The following VIPAS39 variants were observed in gnomAD, a reference collection of about 807,000 sequenced individuals.
VIPAS39 encodes the protein spermatogenesis-defective protein 39 homolog.
In VIPAS39, 63 loss-of-function variants were observed where a neutral mutation model predicts 84.7. That is an observed-to-expected ratio of 0.74 (90% CI 0.61 to 0.92). VIPAS39 has a LOEUF of 0.92. VIPAS39 is among the 40% of genes least tolerant of loss of function. VIPAS39 has a pLI of 0.00. For missense variants in VIPAS39, 499 were observed against 604.5 expected, an observed-to-expected ratio of 0.83 and a Z score of 1.83; for synonymous variants, 192 against 216.5, an observed-to-expected ratio of 0.89 and a Z score of 0.99.
At chr14:77,429,355 G>A (rs958139187) in intron 17 of VIPAS39, among the ~76,000 whole-genome samples, 1 of 152,196 alleles carries the variant, frequency 6.6e-6, no homozygotes, top group South Asian at 2.1e-4. Flanking sequence ...GAGTGCTCTA[G>A]CTGTGATCCA....
At chr14:77,428,929 G>C (rs2078475641) in intron 18 of VIPAS39, 77 bp downstream of exon 18, 1 of 1,353,568 alleles carries the variant, frequency 7.4e-7, no homozygotes. Flanking sequence ...CAGGATCTTG[G>C]ACAGAGAATA....
Position 77,453,997 on chromosome 14 carries a change from G to T in VIPAS39, c.93+13C>A. Reference sequence around the variant, plus strand: ...ACTGTGGAGAAGAGTACAAACTTCAGCAGTTGACCTACCTGTGAAAGCTCA... The same window carrying T: ...ACTGTGGAGAAGAGTACAAACTTCATCAGTTGACCTACCTGTGAAAGCTCA... On this transcript the variant is annotated intron_variant, in intron 2 of 19. Transcript: ENST00000557658. 1 of 1,613,786 alleles carries T rather than the reference G, an allele frequency of 6.2e-7. No homozygotes were observed. The highest frequency in any genetic ancestry group is 1.7e-5 in the Admixed American group (1 of 60,020).
Position 77,454,662 on chromosome 14 carries a change from G to A in VIPAS39, c.1-560C>T, listed in dbSNP as rs1050511426. On this transcript the variant is annotated intron_variant, in intron 1 of 19. Transcript: ENST00000557658. ...GCACTCCAGCCTGGGCAACAAGAGCGAAACTCCGTCTCCAAAAAAAAAAAA... is the reference window on the plus strand; with the variant it reads ...GCACTCCAGCCTGGGCAACAAGAGCAAAACTCCGTCTCCAAAAAAAAAAAA... Among the ~76,000 whole-genome samples, 3 of 105,448 alleles carry A rather than the reference G, an allele frequency of 2.8e-5. No homozygotes were observed. In the Admixed American group the frequency reaches 3.9e-4, roughly 14 times the overall value. 69.2% of individuals were successfully genotyped at this position (105,448 alleles called of 152,430 possible).
intron 11 of VIPAS39, chr14:77,440,277 G>A (rs970416129): frequency 6.6e-6 from 1 of 150,380 alleles, no homozygotes; most frequent in Non-Finnish European, 1.5e-5. Flanking sequence ...TAAAATTTCA[G>A]ATTTATTCTT....
chr14:77,433,516 G>A lies in VIPAS39; in HGVS notation c.1179+326C>T, dbSNP rs143836589. Among the ~76,000 whole-genome samples, 745 of 152,214 alleles carry A rather than the reference G, an allele frequency of 4.9e-3. 7 individuals are homozygous for A. Among genetic ancestry groups the A allele is most frequent in the African/African-American group, 0.017 (703 of 41,542 alleles). The stretch of plus-strand genomic sequence containing the variant: ...GCGCCCAGCCCAATATTGTGCTTAC[G>A]TAGTATTAAAGGAGAGGTGTTAAGA... On this transcript the variant is annotated intron_variant, in intron 16 of 19. Coordinates refer to ENST00000557658, the MANE Select transcript of VIPAS39 (RefSeq NM_001193315.2).
Position 77,437,825 on chromosome 14 carries a change from A to T in VIPAS39, c.819T>A (p.Phe273Leu). ...NIQDPDKRKEFLKTCVGLPFS... is the reference protein window; with the variant it reads ...NIQDPDKRKELLKTCVGLPFS... Reference sequence around the variant, plus strand: ...ATACTTACCCAACACAGGTTTTAAGAAATTCTTTTCGTTTGTCAGGGTCCT... The same window carrying T: ...ATACTTACCCAACACAGGTTTTAAGTAATTCTTTTCGTTTGTCAGGGTCCT... Residue 273 changes from phenylalanine to leucine, a missense_variant, in exon 12 of 20, where the codon TTT (phenylalanine) becomes TTA (leucine). Physicochemically the swap from Phe to Leu is conservative, Grantham distance 22. Transcript: ENST00000557658. The T allele has an allele frequency of 6.2e-7, 1 of 1,614,166 alleles. No homozygotes were observed. Among genetic ancestry groups the T allele is most frequent in the South Asian group, 1.1e-5 (1 of 91,074 alleles).
chr14:77,428,340 C>T (rs1451075739), intron 19 of VIPAS39, 30 bp downstream of exon 19: 2 of 1,594,382 alleles, frequency 1.3e-6, no homozygotes, highest in South Asian at 1.1e-5. Flanking sequence ...TCTCCTGAGC[C>T]TGCTGGAGGG....
At chr14:77,442,476 G>A in intron 10 of VIPAS39, 84 bp downstream of exon 10, 3 of 1,151,798 alleles carry the variant, frequency 2.6e-6, no homozygotes, top group Non-Finnish European at 3.9e-6. Flanking sequence ...AAGGGCAGTT[G>A]GCGTCTTCTA....
chr14:77,455,284 T>A (rs1204193255), intron 1 of VIPAS39, among the ~76,000 whole-genome samples: 2 of 151,932 alleles, frequency 1.3e-5, no homozygotes, highest in African/African-American at 4.8e-5. Context: ...AGTTCAAGAC[T>A]AGCCTGGGCA....
intron 4 of VIPAS39, 28 bp downstream of exon 4, chr14:77,451,158 TC>T: frequency 6.2e-7 from 1 of 1,614,198 alleles, no homozygotes; most frequent in Non-Finnish European, 8.5e-7. Flanking sequence ...GAGAAGGACT[TC>T]CCTATCCATT....
At chr14:77,444,646 C>T (rs1032299086) in intron 7 of VIPAS39, among the ~76,000 whole-genome samples, 1 of 152,046 alleles carries the variant, frequency 6.6e-6, no homozygotes, top group African/African-American at 2.4e-5. Flanking sequence ...AATCTCGGCT[C>T]ACTGCAAGCT....
In VIPAS39 at chr14:77,449,325, G is replaced by A. The variant is rs763569201; in HGVS notation, c.415C>T (p.Pro139Ser). 1.2e-6 allele frequency: 2 copies of A among 1,614,182 alleles called. No homozygotes were observed. Among genetic ancestry groups the A allele is most frequent in the East Asian group, 2.2e-5 (1 of 44,886 alleles). The change falls in exon 6 of 20, where the codon CCA becomes TCA. Residue 139 changes from proline to serine, a missense_variant. Coordinates refer to ENST00000557658, the MANE Select transcript of VIPAS39 (RefSeq NM_001193315.2). ...TCCCCTTTGGGTCTCCCCAGCTCTG[G>A]AGCATAGCTTTTGGCAGGTGTGTCT... ...LSDTPAKSYAPELGRPKGEYR... is the reference protein window; with the variant it reads ...LSDTPAKSYASELGRPKGEYR...
intron 10 of VIPAS39, 159 bp from the exon 11 acceptor site, chr14:77,441,252 C>T (rs2078699052): frequency 3.9e-6 from 3 of 771,910 alleles, no homozygotes; most frequent in African/African-American, 1.7e-5. Flanking sequence ...TTCCCCTGGT[C>T]TCTCTGGCTG....
chr14:77,435,914 G>C lies in VIPAS39; in HGVS notation c.842C>G (p.Pro281Arg), dbSNP rs151206967. 914 of 1,614,102 alleles carry C rather than the reference G, an allele frequency of 5.7e-4. 1 individual carries two copies. The highest frequency in any genetic ancestry group is 7.4e-4 in the Non-Finnish European group (875 of 1,179,992). The change falls in exon 13 of 20, where the codon CCA becomes CGA. Residue 281 changes from proline (P) to arginine (R), a missense_variant. Coordinates refer to ENST00000557658, the MANE Select transcript of VIPAS39 (RefSeq NM_001193315.2). Reference protein sequence around the residue: ...KEFLKTCVGLPFSAEDSAHIQ... With the variant: ...KEFLKTCVGLRFSAEDSAHIQ... The stretch of plus-strand genomic sequence containing the variant: ...GTGTGCGGAATCTTCTGCTGAAAAT[G>C]GCAAACTGGTAGAGTGCCAGAAGGT...
Position 77,443,443 on chromosome 14 carries a change from G to A in VIPAS39, c.598-291C>T, listed in dbSNP as rs145284273. On this transcript the variant is annotated intron_variant, in intron 8 of 19. Coordinates refer to ENST00000557658, the MANE Select transcript of VIPAS39 (RefSeq NM_001193315.2). ...CATAGTAGCCAACCTTGTGTGTCTT[G>A]GTTACAATCAACGGTTTCACATAGG... Among the ~76,000 whole-genome samples the A allele has an allele frequency of 7.0e-3, 1,060 of 152,178 alleles. 19 individuals are homozygous for A. The highest frequency in any genetic ancestry group is 0.037 in the South Asian group (179 of 4,810).
At chr14:77,443,074 G>T (rs756225326) in intron 9 of VIPAS39, 45 bp downstream of exon 9, 2 of 1,612,308 alleles carry the variant, frequency 1.2e-6, no homozygotes, top group Non-Finnish European at 1.7e-6. Flanking sequence ...CCTCGAATGT[G>T]GCAGACACCT....
intron 1 of VIPAS39, among the ~76,000 whole-genome samples, chr14:77,454,870 CAAAT>C (rs1277657018): frequency 1.3e-5 from 2 of 152,168 alleles, no homozygotes; most frequent in African/African-American, 4.8e-5. Flanking sequence ...ACATTTTCAA[CAAAT>C]ACTTATTGAG....
rs931140180 is a variant in VIPAS39 at position 77,434,432 on chromosome 14, A to T, written c.1048-129T>A. The T allele has an allele frequency of 5.6e-6, 5 of 889,868 alleles. No individual in the cohort carries two copies. In the African/African-American group the frequency reaches 8.2e-5, roughly 15 times the overall value. 55.1% of individuals were successfully genotyped at this position (889,868 alleles called of 1,614,324 possible). ...TGCTGCCATTTAAACATAGAAATTA[A>T]TTTCAGGGAAAAGCTCCATTGGGAA... On this transcript the variant is annotated intron_variant, in intron 14 of 19. Coordinates refer to ENST00000557658, the MANE Select transcript of VIPAS39 (RefSeq NM_001193315.2).
chr14:77,430,382 G>A (rs192530713), intron 16 of VIPAS39, among the ~76,000 whole-genome samples: 5 of 152,152 alleles, frequency 3.3e-5, no homozygotes, highest in East Asian at 1.9e-4. Flanking sequence ...ATATTGAACC[G>A]CCAAAGATCC....
Sources: allele counts gnomAD v4.1 joint callset (sites outside exome capture counted in the v4.1 genomes callset), GRCh38; gene constraint gnomAD v4.1.1; transcripts MANE v1.5; gene names NCBI Gene and HGNC (gene_info 2026-07-23, HGNC 2026-07-21).